The following H2BC18 variants were observed in gnomAD, a reference collection of about 807,000 sequenced individuals.
The protein encoded by H2BC18 is histone H2B type 2-F.
A neutral mutation model predicts 6.3 loss-of-function variants in H2BC18; 8 were observed. That is an observed-to-expected ratio of 1.28 (90% CI 0.75 to 2.31). The LOEUF (loss-of-function observed/expected upper bound fraction) is 2.31. Ranked by LOEUF, H2BC18 falls within the 30% of genes most tolerant of loss-of-function variation. The pLI, the probability that H2BC18 is intolerant of heterozygous loss-of-function variation, is 0.00. For synonymous variants in H2BC18, 104 were observed against 78.1 expected (o/e 1.33, Z -1.75); for missense variants, 106 against 174.5 (o/e 0.61, Z 2.21).
chr1:149,788,247 T>G, intron 1 of H2BC18: 1 of 1,607,474 alleles, frequency 6.2e-7, no homozygotes, highest in South Asian at 1.1e-5. Context: ...GCCTGAGATT[T>G]GGCAGAGCTC....
At chr1:149,808,400 T>A (rs2091942816), downstream of H2BC18, among the ~76,000 whole-genome samples, 1 of 152,132 alleles carries the variant, frequency 6.6e-6, no homozygotes, top group Non-Finnish European at 1.5e-5. Context: ...TCCATTCACA[T>A]AACATTTCCT....
At chr1:149,788,344 A>C (rs782788530) in intron 1 of H2BC18, 18 of 1,612,080 alleles carry the variant, frequency 1.1e-5, no homozygotes, top group Non-Finnish European at 1.5e-5. Context: ...GTATACATAC[A>C]TTTTGGGTTC....
At chr1:149,788,245 T>C in intron 1 of H2BC18, 3 of 1,607,204 alleles carry the variant, frequency 1.9e-6, no homozygotes. Context: ...AGGCCTGAGA[T>C]TTGGCAGAGC....
chr1:149,808,887 T>C (rs2091947645), downstream of H2BC18, among the ~76,000 whole-genome samples: 1 of 151,892 alleles, frequency 6.6e-6, no homozygotes, highest in Non-Finnish European at 1.5e-5. Context: ...ACAGAGGTCA[T>C]GTACTTATTT....
At chr1:149,808,615 G>A (rs2101495336), downstream of H2BC18, among the ~76,000 whole-genome samples, 1 of 152,258 alleles carries the variant, frequency 6.6e-6, no homozygotes, top group Middle Eastern at 3.4e-3. Context: ...AAAATTTTAT[G>A]TTCAACATAT....
At chr1:149,784,074 C>T (rs369669108) in intron 1 of H2BC18, 2 of 1,611,282 alleles carry the variant, frequency 1.2e-6, no homozygotes, top group African/African-American at 2.7e-5. Flanking sequence ...CGTAACCTTG[C>T]ACTGTGAGGT....
At position 149,812,310 on chromosome 1, in the gene H2BC18, G is replaced by A. The variant is rs148541686; in HGVS notation, c.14C>T (p.Ala5Val). Residue 5 changes from alanine to valine, a missense_variant, in exon 1 of 1, where the codon GCG (alanine) becomes GTG (valine). Ala to Val is a moderately conservative substitution (Grantham distance 64). This residue lies in a region of H2BC18 where 70 missense variants were observed against 64.6 expected (regional missense o/e 1.08). Transcript: ENST00000369167. ...CTTCTTGGGAGCAGGAGCGGATTTCGCTGGATCCGGCATTTTTGCGCGAAA... is the reference window on the plus strand; with the variant it reads ...CTTCTTGGGAGCAGGAGCGGATTTCACTGGATCCGGCATTTTTGCGCGAAA... MPDP[A>V]KSAPAPKKGS... 26 of 1,614,028 alleles carry A rather than the reference G, an allele frequency of 1.6e-5. No homozygotes were observed. The highest frequency in any genetic ancestry group is 2.2e-5 in the East Asian group (1 of 44,896).
intron 1 of H2BC18, among the ~76,000 whole-genome samples, chr1:149,793,538 G>T (rs1201684566): frequency 2.6e-5 from 4 of 152,102 alleles, no homozygotes; most frequent in Non-Finnish European, 5.9e-5. Flanking sequence ...GGGGAGAAAG[G>T]TGGGTCGGAC....
In H2BC18 at chr1:149,812,075, G is replaced by A; in HGVS notation, c.249C>T (p.His83=). Residue 83 remains histidine (H), a synonymous_variant, in exon 1 of 1, where the codon CAC becomes CAT. Coordinates refer to ENST00000369167, the MANE Select transcript of H2BC18 (RefSeq NM_001024599.5). ...RIAGEASRLA[H]YNKRSTITSR... ...ATGTGATGGTGGAGCGCTTGTTGTAGTGCGCCAGGCGGGACGCCTCTCCCG... is the reference window on the plus strand; with the variant it reads ...ATGTGATGGTGGAGCGCTTGTTGTAATGCGCCAGGCGGGACGCCTCTCCCG... The A allele has an allele frequency of 1.9e-6, 3 of 1,614,288 alleles. No homozygotes were observed. Among genetic ancestry groups the A allele is most frequent in the Non-Finnish European group, 2.5e-6 (3 of 1,180,056 alleles).
At chr1:149,790,664 T>TTC (rs57604922) in intron 1 of H2BC18, among the ~76,000 whole-genome samples, 4 of 146,158 alleles carry the variant, frequency 2.7e-5, no homozygotes, top group African/African-American at 7.5e-5. Flanking sequence ...TGACCCCCCC[T>TTC]TCTCTCTCTC....
At position 149,785,423 on chromosome 1, in the gene H2BC18, T is replaced by G. The variant is rs1240288353; in HGVS notation, c.378-2163A>C. 7.3e-5 allele frequency among the ~76,000 whole-genome samples: 10 copies of G among 136,648 alleles called. 1 individual carries two copies. Among genetic ancestry groups the G allele is most frequent in the Non-Finnish European group, 1.5e-4 (9 of 61,980 alleles). 89.6% of individuals were successfully genotyped at this position (136,648 alleles called of 152,430 possible). A position where few individuals can be genotyped will look rare whatever the true frequency, so the allele number is the denominator to read the frequency against. On this transcript the variant is annotated intron_variant, in intron 1 of 1. Coordinates refer to the H2BC18 transcript ENST00000545683. ...GAGCTGTTTCGTTTTTTTTTTTTTT[T>G]TTTTTTTTTTTGAGACAGAGTCTCA...
intron 1 of H2BC18, among the ~76,000 whole-genome samples, chr1:149,802,270 G>A (rs1178546033): frequency 2.6e-5 from 4 of 152,122 alleles, no homozygotes; most frequent in African/African-American, 4.8e-5. Flanking sequence ...TTTTCATAAT[G>A]TGACAGGGAG....
downstream of H2BC18, chr1:149,810,409 C>G (rs1165455418): frequency 3.9e-5 from 6 of 151,962 alleles, no homozygotes; most frequent in South Asian, 2.1e-4. Context: ...TCATGTATAC[C>G]GCATTTTATA....
chr1:149,789,045 C>G (rs587760386), intron 1 of H2BC18, among the ~76,000 whole-genome samples: 8,310 of 151,740 alleles, frequency 0.055, 669 homozygotes, highest in African/African-American at 0.18. Context: ...AGGGACAAAG[C>G]AGCCTCTGTG....
At chr1:149,786,721 C>T (rs587699966) in intron 1 of H2BC18, 1 of 152,284 alleles carries the variant, frequency 6.6e-6, no homozygotes, top group East Asian at 1.9e-4. Context: ...ATATATAATA[C>T]TACCATTACC....
At chr1:149,807,524 G>C (rs1173862283), downstream of H2BC18, among the ~76,000 whole-genome samples, 5 of 57,830 alleles carry the variant, frequency 8.6e-5, 1 homozygote, top group East Asian at 7.5e-4. Context: ...GGGGGGGGGG[G>C]GGCGGGCATG....
chr1:149,799,270 C>G (rs2091834551), intron 1 of H2BC18, among the ~76,000 whole-genome samples: 1 of 151,002 alleles, frequency 6.6e-6, no homozygotes. Context: ...TTCGTGTCTT[C>G]TTATATCCAG....
chr1:149,794,110 G>A (rs1376824060), intron 1 of H2BC18: 17 of 465,276 alleles, frequency 3.7e-5, no homozygotes, highest in Non-Finnish European at 6.3e-5. Context: ...AACAGTAGAA[G>A]CAAAGAGACC....
chr1:149,806,741 G>A (rs1319334922), intron 1 of H2BC18, among the ~76,000 whole-genome samples: 7 of 152,224 alleles, frequency 4.6e-5, no homozygotes, highest in African/African-American at 1.4e-4. Flanking sequence ...AAGAAATTAG[G>A]AAGCCAGTCA....
Sources: gnomAD v4.1 joint callset for allele counts (sites outside exome capture counted in the v4.1 genomes callset) on GRCh38, gnomAD v4.1.1 for gene constraint, gnomAD v4.1.1 regional missense constraint, MANE v1.5 for transcripts, NCBI Gene and HGNC (gene_info 2026-07-23, HGNC 2026-07-21) for gene names.